The following SMAP1 variants were observed in gnomAD, a reference collection of about 807,000 sequenced individuals.
SMAP1 encodes the protein stromal membrane-associated protein 1.
A neutral mutation model predicts 58.5 loss-of-function variants in SMAP1; 24 were observed. That is an observed-to-expected ratio of 0.41 (90% CI 0.30 to 0.58). SMAP1 has a LOEUF of 0.58. Among genes scored for constraint, SMAP1 ranks in the 20% least tolerant of loss-of-function variants. The pLI is 0.29. For missense variants in SMAP1, 563 were observed against 566.3 expected (o/e 0.99, Z 0.06); for synonymous variants, 216 against 196.6 (o/e 1.10, Z -0.82).
At chr6:70,674,536 A>G (rs576078117) in intron 1 of SMAP1, among the ~76,000 whole-genome samples, 2 of 152,350 alleles carry the variant, frequency 1.3e-5, no homozygotes, top group South Asian at 4.1e-4. Flanking sequence ...GCCATTTTGT[A>G]GTTATTATCA....
intron 1 of SMAP1, among the ~76,000 whole-genome samples, chr6:70,710,447 G>T (rs1768006525): frequency 7.3e-6 from 1 of 137,872 alleles, no homozygotes; most frequent in African/African-American, 2.7e-5. Flanking sequence ...AGCCGAGATT[G>T]CGTCACTGCA....
intron 1 of SMAP1, among the ~76,000 whole-genome samples, chr6:70,690,252 A>G (rs1374282271): frequency 6.6e-6 from 1 of 152,070 alleles, no homozygotes; most frequent in Non-Finnish European, 1.5e-5. Context: ...TGTATGTTGA[A>G]TTTTATCAAA....
At chr6:70,824,202 G>A (rs943690309) in intron 6 of SMAP1, among the ~76,000 whole-genome samples, 4 of 152,098 alleles carry the variant, frequency 2.6e-5, no homozygotes, top group Non-Finnish European at 4.4e-5. Flanking sequence ...CTTTTTACTC[G>A]TTAAAACAGG....
chr6:70,732,183 A>T (rs1018513162), intron 1 of SMAP1, among the ~76,000 whole-genome samples, 195 bp from the exon 2 acceptor site: 8 of 152,214 alleles, frequency 5.3e-5, no homozygotes, highest in African/African-American at 1.9e-4. Context: ...GAGTAAAATC[A>T]ATAAGGTTCT....
chr6:70,816,056 G>T (rs962618443), intron 6 of SMAP1, among the ~76,000 whole-genome samples: 3 of 152,144 alleles, frequency 2.0e-5, no homozygotes, highest in African/African-American at 7.2e-5. Flanking sequence ...AGGAGACAGA[G>T]TGTGGAGGTT....
At position 70,860,524 on chromosome 6, in the gene SMAP1, AT is replaced by A; in HGVS notation, c.*194del. On this transcript the variant is annotated 3_prime_UTR_variant, in exon 11 of 11. Coordinates refer to ENST00000370455, the MANE Select transcript of SMAP1 (RefSeq NM_001044305.3). ...GTGGTGAAAAGCAGGTTGATAAATC[AT>A]TTTATGTCAAGGGCAGCTTTGCTCA... 1 of 536,088 alleles carries A rather than the reference AT, an allele frequency of 1.9e-6. No individual in the cohort carries two copies. Among genetic ancestry groups the A allele is most frequent in the Non-Finnish European group, 2.9e-6 (1 of 341,152 alleles). The allele number at this position is 536,088 out of a possible 1,614,324, so 33.2% of individuals were successfully genotyped here.
chr6:70,744,134 G>A (rs1243159145), intron 2 of SMAP1, among the ~76,000 whole-genome samples: 1 of 151,264 alleles, frequency 6.6e-6, no homozygotes, highest in African/African-American at 2.4e-5. Context: ...AAATTGTTAA[G>A]ATGTTACTTA....
chr6:70,678,931 A>G (rs902903253), intron 1 of SMAP1, among the ~76,000 whole-genome samples: 2 of 152,226 alleles, frequency 1.3e-5, no homozygotes, highest in African/African-American at 4.8e-5. Context: ...CAGAGATTCC[A>G]AGGATAGAAC....
rs1554187893 is a variant in SMAP1, at chr6:70,675,224, T to TTA, written c.118+7083_118+7084insTA. On this transcript the variant is annotated intron_variant, in intron 1 of 10. Transcript: ENST00000370455. Reference sequence around the variant, plus strand: ...TTTTTTTTTTTTTTTTTTTTTTTTTTACCAGAGATGATGTACTTCACACTT... The same window carrying TTA: ...TTTTTTTTTTTTTTTTTTTTTTTTTTTAACCAGAGATGATGTACTTCACACTT... Among the ~76,000 whole-genome samples, 303 of 107,468 alleles carry TTA rather than the reference T, an allele frequency of 2.8e-3. 2 individuals carry two copies. Among genetic ancestry groups the TTA allele is most frequent in the Non-Finnish European group, 4.9e-3 (269 of 55,026 alleles). The allele number at this position is 107,468 out of a possible 152,430, so 70.5% of individuals were successfully genotyped here. A position where few individuals can be genotyped will look rare whatever the true frequency, so the allele number is the denominator to read the frequency against.
chr6:70,675,819 C>T (rs1581980134), intron 1 of SMAP1, among the ~76,000 whole-genome samples: 1 of 152,214 alleles, frequency 6.6e-6, no homozygotes, highest in East Asian at 1.9e-4. Flanking sequence ...GGTTGGCTGA[C>T]ATCTGAGGGG....
At chr6:70,849,333 A>T (rs1047044522) in intron 7 of SMAP1, among the ~76,000 whole-genome samples, 1 of 152,244 alleles carries the variant, frequency 6.6e-6, no homozygotes, top group African/African-American at 2.4e-5. Flanking sequence ...TGACAGCTCC[A>T]TTAACCATGG....
intron 3 of SMAP1, among the ~76,000 whole-genome samples, chr6:70,768,838 A>G (rs1157308283): frequency 1.3e-5 from 2 of 151,590 alleles, no homozygotes; most frequent in East Asian, 3.9e-4. Context: ...TTTAATTGTG[A>G]TATTAGGGTG....
intron 4 of SMAP1, among the ~76,000 whole-genome samples, chr6:70,774,122 A>G (rs756443888): frequency 6.6e-6 from 1 of 152,206 alleles, no homozygotes; most frequent in African/African-American, 2.4e-5. Context: ...AGATGTTACC[A>G]TATTACCTAA....
At chr6:70,858,750 G>A (rs1424961764) in intron 10 of SMAP1, 1 of 152,700 alleles carries the variant, frequency 6.5e-6, no homozygotes, top group African/African-American at 2.4e-5. Flanking sequence ...CCATGGCTCT[G>A]TAAAAATTCT....
At chr6:70,724,824 A>G (rs1399563698) in intron 1 of SMAP1, among the ~76,000 whole-genome samples, 1 of 152,120 alleles carries the variant, frequency 6.6e-6, no homozygotes, top group African/African-American at 2.4e-5. Context: ...AAAAAGGAAT[A>G]TTTTAAAGAA....
intron 5 of SMAP1, among the ~76,000 whole-genome samples, chr6:70,794,519 C>T (rs973081120): frequency 5.3e-5 from 8 of 152,278 alleles, no homozygotes; most frequent in African/African-American, 1.9e-4. Flanking sequence ...TGGTTTGCTG[C>T]ACTCGTCAAC....
intron 6 of SMAP1, among the ~76,000 whole-genome samples, chr6:70,836,143 G>A (rs894806129): frequency 6.6e-6 from 1 of 152,096 alleles, no homozygotes; most frequent in South Asian, 2.1e-4. Context: ...GTATTAGTCC[G>A]TTTTCATGCC....
intron 4 of SMAP1, among the ~76,000 whole-genome samples, chr6:70,782,985 T>A (rs1767825973): frequency 6.6e-6 from 1 of 152,150 alleles, no homozygotes; most frequent in Admixed American, 6.5e-5. Context: ...GCAGACTGCC[T>A]CCTCAAGTGG....
chr6:70,790,078 T>C (rs1446769206), intron 4 of SMAP1, among the ~76,000 whole-genome samples: 1 of 152,230 alleles, frequency 6.6e-6, no homozygotes, highest in Non-Finnish European at 1.5e-5. Flanking sequence ...TTTCATGAGC[T>C]TGGGCAAAGA....
Sources: gnomAD v4.1 joint callset for allele counts (sites outside exome capture counted in the v4.1 genomes callset) on GRCh38, gnomAD v4.1.1 for gene constraint, MANE v1.5 for transcripts, NCBI Gene and HGNC (gene_info 2026-07-23, HGNC 2026-07-21) for gene names.